The following PLAC1 variants were observed in gnomAD, a reference collection of about 807,000 sequenced individuals.
The protein encoded by PLAC1 is placenta-specific protein 1.
For synonymous variants in PLAC1, 68 were observed against 62.1 expected, an observed-to-expected ratio of 1.09 and a Z score of -0.44; for missense variants, 136 against 163.2, an observed-to-expected ratio of 0.83 and a Z score of 0.91.
At chrX:134,590,321 A>G (rs2078031791) in intron 2 of PLAC1, among the ~76,000 whole-genome samples, 1 of 111,903 alleles carries the variant, frequency 8.9e-6, no homozygotes, top group Admixed American at 9.5e-5. Flanking sequence ...CATTCATCCA[A>G]CATATACGTA....
At chrX:134,582,486 A>G (rs2077979611) in intron 2 of PLAC1, among the ~76,000 whole-genome samples, 1 of 112,019 alleles carries the variant, frequency 8.9e-6, no homozygotes, top group Non-Finnish European at 1.9e-5. Context: ...TAGTGTTTGT[A>G]AATAAAATAA....
intron 1 of PLAC1, among the ~76,000 whole-genome samples, chrX:134,633,141 G>A (rs948245803): frequency 9.0e-6 from 1 of 111,453 alleles, no homozygotes; most frequent in Non-Finnish European, 1.9e-5. Context: ...TCCCCGTCTT[G>A]TCTCCCCCTA....
chrX:134,614,793 C>A (rs988071952), intron 1 of PLAC1, among the ~76,000 whole-genome samples: 1 of 111,278 alleles, frequency 9.0e-6, no homozygotes, highest in African/African-American at 3.3e-5. Flanking sequence ...CATTATCATG[C>A]CCAGCTAATT....
At chrX:134,739,133 C>T (rs1038835661) in intron 1 of PLAC1, among the ~76,000 whole-genome samples, 1 of 111,990 alleles carries the variant, frequency 8.9e-6, no homozygotes, top group East Asian at 2.8e-4. Flanking sequence ...GGAACAGTGA[C>T]ATGAAATGTT....
At chrX:134,688,855 T>G (rs2078527256) in intron 2 of PLAC1, among the ~76,000 whole-genome samples, 1 of 112,225 alleles carries the variant, frequency 8.9e-6, no homozygotes, top group East Asian at 2.8e-4. Context: ...TATTTCAAGC[T>G]GCTTGGAAAC....
intron 2 of PLAC1, among the ~76,000 whole-genome samples, chrX:134,579,425 A>T (rs1158097790): frequency 4.5e-5 from 5 of 112,096 alleles, no homozygotes; most frequent in Non-Finnish European, 7.5e-5. Context: ...GAAAGTCCTG[A>T]GGTGGCTTGG....
intron 2 of PLAC1, among the ~76,000 whole-genome samples, chrX:134,700,448 A>G (rs2078578931): frequency 8.9e-6 from 1 of 111,760 alleles, no homozygotes; most frequent in East Asian, 2.8e-4. Flanking sequence ...GGCCAGAGCA[A>G]TCAGGCAAGA....
At chrX:134,620,675 C>T (rs1478716790) in intron 1 of PLAC1, among the ~76,000 whole-genome samples, 1 of 111,824 alleles carries the variant, frequency 8.9e-6, no homozygotes, top group East Asian at 2.8e-4. Context: ...CTTACCCTGC[C>T]TATCTCACAG....
At chrX:134,658,673 T>C (rs1430272144), upstream of PLAC1, among the ~76,000 whole-genome samples, 2 of 111,712 alleles carry the variant, frequency 1.8e-5, no homozygotes, top group Non-Finnish European at 3.8e-5. Context: ...CTTGAGATCA[T>C]CAGTGATTGA....
At chrX:134,679,237 G>C (rs2078485454) in intron 2 of PLAC1, among the ~76,000 whole-genome samples, 1 of 111,569 alleles carries the variant, frequency 9.0e-6, no homozygotes, top group Non-Finnish European at 1.9e-5. Context: ...AGAAAGGGTA[G>C]GCTCAAGAAT....
At chrX:134,635,832 G>A (rs185136585) in intron 1 of PLAC1, among the ~76,000 whole-genome samples, 38 of 112,145 alleles carry the variant, frequency 3.4e-4, no homozygotes, top group African/African-American at 8.1e-4. Context: ...TTGAAAGCCC[G>A]TTCTTTATCC....
At chrX:134,591,246 T>C (rs181311420) in intron 2 of PLAC1, among the ~76,000 whole-genome samples, 2 of 112,394 alleles carry the variant, frequency 1.8e-5, no homozygotes, top group African/African-American at 6.5e-5. Flanking sequence ...TGTGTACACA[T>C]ACACATGTGT....
intron 1 of PLAC1, among the ~76,000 whole-genome samples, chrX:134,742,316 A>C (rs2078718867): frequency 8.9e-6 from 1 of 112,916 alleles, no homozygotes; most frequent in Non-Finnish European, 1.9e-5. Context: ...GGCCGGGCGC[A>C]GTGGCTCAAG....
intron 2 of PLAC1, among the ~76,000 whole-genome samples, chrX:134,698,593 C>G (rs1039117910): frequency 2.7e-5 from 3 of 111,580 alleles, no homozygotes; most frequent in African/African-American, 9.8e-5. Context: ...TGCTATCTTC[C>G]CCTTCTGTGC....
chrX:134,646,627 T>G (rs181435323), intron 1 of PLAC1, among the ~76,000 whole-genome samples: 1 of 112,265 alleles, frequency 8.9e-6, no homozygotes, highest in East Asian at 2.8e-4. Context: ...GAGACCAAAT[T>G]CCCTCAGAAT....
At chrX:134,738,781 A>C (rs2078710034) in intron 1 of PLAC1, among the ~76,000 whole-genome samples, 1 of 112,289 alleles carries the variant, frequency 8.9e-6, no homozygotes, top group African/African-American at 3.2e-5. Flanking sequence ...CTTCATTTCC[A>C]CCAAAATGCC....
At chrX:134,582,718 G>C (rs1369517127) in intron 2 of PLAC1, among the ~76,000 whole-genome samples, 1 of 111,504 alleles carries the variant, frequency 9.0e-6, no homozygotes, top group Non-Finnish European at 1.9e-5. Flanking sequence ...TGGGTGAGGA[G>C]AAAAGGCAAG....
At chrX:134,691,581 C>G (rs2078542081) in intron 2 of PLAC1, among the ~76,000 whole-genome samples, 1 of 111,946 alleles carries the variant, frequency 8.9e-6, no homozygotes, top group East Asian at 2.8e-4. Context: ...TAAGGCTTGT[C>G]TCATCACACA....
intron 2 of PLAC1, among the ~76,000 whole-genome samples, chrX:134,704,367 C>A (rs1286684042): frequency 9.4e-6 from 1 of 106,291 alleles, no homozygotes; most frequent in Non-Finnish European, 1.9e-5. Context: ...GTGTTGCATG[C>A]CTGTAATCCC....
Sources: gnomAD v4.1 joint callset for allele counts (sites outside exome capture counted in the v4.1 genomes callset) on GRCh38, gnomAD v4.1.1 for gene constraint, MANE v1.5 for transcripts, NCBI Gene and HGNC (gene_info 2026-07-23, HGNC 2026-07-21) for gene names.